Variants in FRAS1 observed in about 807,000 individuals in gnomAD.
FRAS1 encodes the protein extracellular matrix organizing protein FRAS1.
In FRAS1, 290 loss-of-function variants were observed where a neutral mutation model predicts 435.2. That is an observed-to-expected ratio of 0.67 (90% CI 0.61 to 0.73). FRAS1 has a LOEUF of 0.73. Among genes scored for constraint, FRAS1 ranks in the 30% least tolerant of loss-of-function variants. The pLI, the probability that FRAS1 is intolerant of heterozygous loss-of-function variation, is 0.00. For synonymous variants in FRAS1, 1,800 were observed against 1,851.0 expected (o/e 0.97, Z 0.71); for missense variants, 4,860 against 5,001.5 (o/e 0.97, Z 0.85).
At chr4:78,466,113 G>T in intron 49 of FRAS1, 95 bp from the exon 50 acceptor site, 1 of 902,214 alleles carries the variant, frequency 1.1e-6, no homozygotes, top group East Asian at 2.5e-5. Context: ...AATGTCTTTG[G>T]GTTCTACTAC....
chr4:78,412,184 A>G (rs1733365482), intron 31 of FRAS1, among the ~76,000 whole-genome samples: 1 of 146,576 alleles, frequency 6.8e-6, no homozygotes, highest in Non-Finnish European at 1.5e-5. Context: ...AGTAACTTTT[A>G]AAGACATAGG....
At chr4:78,252,274 C>T in intron 4 of FRAS1, 118 bp from the exon 5 acceptor site, 1 of 996,154 alleles carries the variant, frequency 1.0e-6, no homozygotes, top group Non-Finnish European at 1.5e-6. Context: ...AGCTTTATTC[C>T]ACCTTTCCCT....
intron 31 of FRAS1, among the ~76,000 whole-genome samples, chr4:78,409,476 C>T (rs1385458864): frequency 6.6e-6 from 1 of 151,878 alleles, no homozygotes; most frequent in Non-Finnish European, 1.5e-5. Context: ...CAGAGAACCG[C>T]AAGGGAAACC....
intron 6 of FRAS1, among the ~76,000 whole-genome samples, chr4:78,264,617 A>G (rs1376064357): frequency 6.6e-6 from 1 of 152,176 alleles, no homozygotes; most frequent in Admixed American, 6.5e-5. Context: ...CCAACCAGTT[A>G]CCATTACCAA....
At chr4:78,082,727 C>A (rs1740951775) in intron 2 of FRAS1, among the ~76,000 whole-genome samples, 1 of 152,076 alleles carries the variant, frequency 6.6e-6, no homozygotes. Context: ...TCTCTTTGAA[C>A]TCCTTCTGAA....
At chr4:78,180,838 G>A (rs539444260) in intron 2 of FRAS1, 25 of 1,516,600 alleles carry the variant, frequency 1.6e-5, no homozygotes, top group Middle Eastern at 2.1e-4. Flanking sequence ...GGTTCACGAA[G>A]GAACCAGGGT....
rs796643171 is a variant in FRAS1, at chr4:78,371,093, T to TTTTTG, written c.2869+1113_2869+1114insGTTTT. On this transcript the variant is annotated intron_variant, in intron 23 of 73. Transcript: ENST00000512123. ...CAGAATTTTTTTTCTGTTTTTTTGT[T>TTTTTG]TTTTTTTTTTTTTGCCTTCTAACCA... is the stretch of plus-strand genomic sequence containing the variant. Among the ~76,000 whole-genome samples the TTTTTG allele has an allele frequency of 1.0e-4, 15 of 147,088 alleles. 1 individual carries two copies. The highest frequency in any genetic ancestry group is 3.2e-4 in the African/African-American group (13 of 40,124).
chr4:78,156,987 G>A (rs1720917011), intron 2 of FRAS1, among the ~76,000 whole-genome samples: 1 of 152,124 alleles, frequency 6.6e-6, no homozygotes, highest in Non-Finnish European at 1.5e-5. Context: ...CTTCTAGGTC[G>A]CCTTTGCAGC....
intron 70 of FRAS1, among the ~76,000 whole-genome samples, chr4:78,529,460 C>T (rs914390098): frequency 1.3e-5 from 2 of 152,152 alleles, no homozygotes; most frequent in Non-Finnish European, 2.9e-5. Context: ...GTGCCCCTCT[C>T]CAATCATACT....
At chr4:78,139,992 G>A (rs1261426209) in intron 2 of FRAS1, among the ~76,000 whole-genome samples, 1 of 151,938 alleles carries the variant, frequency 6.6e-6, no homozygotes, top group Non-Finnish European at 1.5e-5. Context: ...TGAACTTTTT[G>A]TGCATTACAT....
chr4:78,213,060 G>T (rs2866994), intron 2 of FRAS1, among the ~76,000 whole-genome samples: 1 of 152,014 alleles, frequency 6.6e-6, no homozygotes, highest in African/African-American at 2.4e-5. Flanking sequence ...GATCCAGGGA[G>T]AAATAATATC....
At chr4:78,529,677 T>A (rs1266766642) in intron 70 of FRAS1, among the ~76,000 whole-genome samples, 1 of 152,128 alleles carries the variant, frequency 6.6e-6, no homozygotes, top group Non-Finnish European at 1.5e-5. Context: ...AAACCCTATA[T>A]GTACAATGTT....
At chr4:78,061,657 A>G (rs1175784447) in intron 1 of FRAS1, among the ~76,000 whole-genome samples, 2 of 152,204 alleles carry the variant, frequency 1.3e-5, no homozygotes, top group African/African-American at 4.8e-5. Flanking sequence ...GAGAGACTCT[A>G]TGCTTGAAAC....
rs1392288795 is a variant in FRAS1, at chr4:78,372,737, T to G, written c.2889T>G (p.Ser963Arg). ...TTTTAGAGTGTGATTGGAGCTGCAG[T>G]GCATGCAGTGGGCCCCTGAAAACAG... is the stretch of plus-strand genomic sequence containing the variant. ...NTCKECDWSC[S>R]ACSGPLKTDC... Residue 963 changes from serine to arginine, a missense_variant, in exon 24 of 74, where the codon AGT becomes AGG. Ser to Arg is a moderately radical substitution (Grantham distance 110). Transcript: ENST00000512123. 7 of 1,612,772 alleles carry G rather than the reference T, an allele frequency of 4.3e-6. No individual in the cohort carries two copies. The highest frequency in any genetic ancestry group is 3.3e-5 in the Admixed American group (2 of 60,022).
chr4:78,111,803 G>A (rs1454341625), intron 2 of FRAS1, among the ~76,000 whole-genome samples: 1 of 147,152 alleles, frequency 6.8e-6, no homozygotes, highest in Non-Finnish European at 1.5e-5. Flanking sequence ...TTGCAACAAT[G>A]TAAAAGTCCT....
At chr4:78,380,397 T>G (rs1731967310) in intron 27 of FRAS1, among the ~76,000 whole-genome samples, 1 of 152,212 alleles carries the variant, frequency 6.6e-6, no homozygotes, top group Admixed American at 6.5e-5. Context: ...GTATGGTCTC[T>G]GGGATTTTAG....
chr4:78,455,562 A>T (rs918125305), intron 47 of FRAS1, among the ~76,000 whole-genome samples: 1 of 152,146 alleles, frequency 6.6e-6, no homozygotes, highest in African/African-American at 2.4e-5. Flanking sequence ...CACCCTCCTG[A>T]TTGTTAACTG....
chr4:78,152,203 T>C (rs1454907033), intron 2 of FRAS1, among the ~76,000 whole-genome samples: 2 of 152,158 alleles, frequency 1.3e-5, no homozygotes, highest in Non-Finnish European at 2.9e-5. Flanking sequence ...GTGAATAAAT[T>C]TGAATTGGTG....
intron 2 of FRAS1, among the ~76,000 whole-genome samples, chr4:78,176,081 C>T (rs972497269): frequency 1.3e-5 from 2 of 152,092 alleles, no homozygotes; most frequent in East Asian, 1.9e-4. Context: ...TGTTGATGCC[C>T]ACGAAATTAA....
Sources: gnomAD v4.1 joint callset for allele counts (sites outside exome capture counted in the v4.1 genomes callset) on GRCh38, gnomAD v4.1.1 for gene constraint, MANE v1.5 for transcripts, NCBI Gene and HGNC (gene_info 2026-07-23, HGNC 2026-07-21) for gene names.